The following TSHZ1 variants were observed in gnomAD, a reference collection of about 807,000 sequenced individuals.
TSHZ1 encodes the protein teashirt homolog 1.
Under a neutral mutation model 67.1 loss-of-function variants are expected in TSHZ1, and 12 were observed. That is an observed-to-expected ratio of 0.18 (90% CI 0.11 to 0.29). The LOEUF (loss-of-function observed/expected upper bound fraction) is 0.29. Ranked by LOEUF, TSHZ1 falls within the 10% of genes least tolerant of loss-of-function variation. The pLI is 1.00. For synonymous variants in TSHZ1, 632 were observed against 622.4 expected (o/e 1.02, Z -0.23); for missense variants, 1,305 against 1,413.9 (o/e 0.92, Z 1.23).
At chr18:75,238,696 A>G (rs2023114745) in intron 1 of TSHZ1, among the ~76,000 whole-genome samples, 1 of 151,544 alleles carries the variant, frequency 6.6e-6, no homozygotes, top group African/African-American at 2.4e-5. Flanking sequence ...AAAGTACAAA[A>G]TCATGAATGC....
Position 75,287,586 on chromosome 18 carries a change from T to A in TSHZ1, c.2179T>A (p.Cys727Ser). 6.2e-7 allele frequency: 1 copy of A among 1,614,184 alleles called. No homozygotes were observed. Among genetic ancestry groups the A allele is most frequent in the South Asian group, 1.1e-5 (1 of 91,084 alleles). The stretch of plus-strand genomic sequence containing the variant: ...TCTCAAAGCAAAGGTCACCAACGGC[T>A]GTAACAACCTGGGGATCATCATGGA... ...EPLKAKVTNG[C>S]NNLGIIMDHS... Residue 727 changes from cysteine (C) to serine (S), a missense_variant, in exon 2 of 2, where the codon TGT becomes AGT. Physicochemically the swap from Cys to Ser is moderately radical, Grantham distance 112. Transcript: ENST00000580243. The surrounding 1 kb of genome is among the most constrained non-coding windows in gnomAD (Gnocchi z 5.0).
intron 1 of TSHZ1, among the ~76,000 whole-genome samples, chr18:75,257,011 G>T (rs1409323376): frequency 1.3e-5 from 2 of 152,130 alleles, no homozygotes; most frequent in Admixed American, 6.5e-5. Flanking sequence ...TGTATTGCCT[G>T]TTTATCAAAA....
chr18:75,274,313 TACTC>T (rs2023590697), intron 1 of TSHZ1, among the ~76,000 whole-genome samples: 1 of 152,146 alleles, frequency 6.6e-6, no homozygotes, highest in South Asian at 2.1e-4. Flanking sequence ...TTTTCAAGCT[TACTC>T]ATTCATCAGA....
chr18:75,267,373 G>A lies in TSHZ1; in HGVS notation c.41-18075G>A, dbSNP rs1599049168. On this transcript the variant is annotated intron_variant, in intron 1 of 1. Coordinates refer to ENST00000580243, the MANE Select transcript of TSHZ1 (RefSeq NM_001308210.2). ...GAGTCAGGCAGCCACACTGTGTGTGGGCTTAGTGGTAAGGGTTTCTTCAGA... is the reference window on the plus strand; with the variant it reads ...GAGTCAGGCAGCCACACTGTGTGTGAGCTTAGTGGTAAGGGTTTCTTCAGA... Among the ~76,000 whole-genome samples, 3 of 152,334 alleles carry A rather than the reference G, an allele frequency of 2.0e-5. 1 individual carries two copies. Among genetic ancestry groups the A allele is most frequent in the Admixed American group, 2.0e-4 (3 of 15,300 alleles).
intron 1 of TSHZ1, among the ~76,000 whole-genome samples, chr18:75,257,256 A>G (rs2023372532): frequency 6.6e-6 from 1 of 152,210 alleles, no homozygotes; most frequent in Admixed American, 6.5e-5. Context: ...GCGGTAATTC[A>G]TTTGAAACAT....
At position 75,286,488 on chromosome 18, in the gene TSHZ1, C is replaced by T. The variant is rs372094271; in HGVS notation, c.1081C>T (p.Pro361Ser). Residue 361 changes from proline (P) to serine (S), a missense_variant, in exon 2 of 2, where the codon CCC becomes TCC. Physicochemically the swap from Pro to Ser is moderately conservative, Grantham distance 74 (BLOSUM62 -1). Around this residue, in one of 3 missense-constraint regions of TSHZ1, gnomAD observed 909 missense variants for 961.8 expected, o/e 0.95. Coordinates refer to ENST00000580243, the MANE Select transcript of TSHZ1 (RefSeq NM_001308210.2). This position sits in a 1 kb window ranked among gnomAD's most constrained non-coding sequence, Gnocchi z 5.1. ...AAAGCGGGCGCTTCAGGACCTGGCG[C>T]CCCCCTGCTCCCCTGAGCCAGCAGG... is the stretch of plus-strand genomic sequence containing the variant. ...TKKRALQDLAPPCSPEPAGMA... is the reference protein window; with the variant it reads ...TKKRALQDLASPCSPEPAGMA... 60 of 1,614,028 alleles carry T rather than the reference C, an allele frequency of 3.7e-5. No individual in the cohort carries two copies. The highest frequency in any genetic ancestry group is 4.9e-5 in the Non-Finnish European group (58 of 1,180,046).
chr18:75,228,962 C>A (rs927746604), intron 1 of TSHZ1, among the ~76,000 whole-genome samples: 5 of 152,256 alleles, frequency 3.3e-5, no homozygotes, highest in Admixed American at 6.5e-5. Context: ...TAGGTCATGG[C>A]CCTTTGGCCC....
chr18:75,221,735 C>CTGTT (rs1568352220), intron 1 of TSHZ1, among the ~76,000 whole-genome samples: 2 of 152,198 alleles, frequency 1.3e-5, no homozygotes, highest in African/African-American at 2.4e-5. Context: ...TTCTTAGCTA[C>CTGTT]ATGAAAATAA....
At chr18:75,266,552 AAC>A (rs2023492791) in intron 1 of TSHZ1, among the ~76,000 whole-genome samples, 1 of 152,370 alleles carries the variant, frequency 6.6e-6, no homozygotes, top group East Asian at 1.9e-4. Flanking sequence ...CAGGAAGCAC[AAC>A]AGAGGATAGG....
At chr18:75,247,507 C>G (rs1301967752) in intron 1 of TSHZ1, among the ~76,000 whole-genome samples, 1 of 152,236 alleles carries the variant, frequency 6.6e-6, no homozygotes, top group Non-Finnish European at 1.5e-5. Context: ...TGCCTTGCCC[C>G]TTAAGTTATC....
intron 1 of TSHZ1, among the ~76,000 whole-genome samples, chr18:75,235,815 C>T (rs574705449): frequency 4.9e-4 from 75 of 152,314 alleles, no homozygotes; most frequent in African/African-American, 1.7e-3. Flanking sequence ...CATGCCTCCC[C>T]GTGGTTTGGC....
intron 1 of TSHZ1, 68 bp from the exon 2 acceptor site, chr18:75,285,380 C>T: frequency 7.1e-7 from 1 of 1,410,968 alleles, no homozygotes; most frequent in Non-Finnish European, 9.2e-7. Context: ...GATCATCTAA[C>T]TGCTGGGGAG....
chr18:75,264,188 G>A (rs1599047476), intron 1 of TSHZ1, among the ~76,000 whole-genome samples: 1 of 152,126 alleles, frequency 6.6e-6, no homozygotes, highest in African/African-American at 2.4e-5. Context: ...ATATTTAGCT[G>A]GCTGTCCTCT....
At chr18:75,252,562 AATTG>A (rs1212487494) in intron 1 of TSHZ1, among the ~76,000 whole-genome samples, 1 of 152,116 alleles carries the variant, frequency 6.6e-6, no homozygotes, top group Non-Finnish European at 1.5e-5. Flanking sequence ...TATTTTTATG[AATTG>A]ATTGTTTTAT....
Position 75,288,795 on chromosome 18 carries a change from T to G in TSHZ1, c.*154T>G. On this transcript the variant is annotated 3_prime_UTR_variant, in exon 2 of 2. Transcript: ENST00000580243. The surrounding 1 kb of genome is among the most constrained non-coding windows in gnomAD (Gnocchi z 4.9). ...ACACATATTTTGTATATTTATATGC[T>G]CTCTGTCCGATCTGTGCATGTTATT... 7.9e-7 allele frequency: 1 copy of G among 1,259,358 alleles called. No homozygotes were observed. Among genetic ancestry groups the G allele is most frequent in the East Asian group, 2.6e-5 (1 of 38,116 alleles). 78.0% of individuals were successfully genotyped at this position (1,259,358 alleles called of 1,614,324 possible).
Position 75,288,539 on chromosome 18 carries a change from G to A in TSHZ1, c.3132G>A (p.Arg1044=). ...GSTFQCKLCN[R]TFASKHAVKL... ...CATTCCAATGTAAGCTCTGCAACCG[G>A]ACTTTTGCGAGCAAGCACGCAGTCA... The change falls in exon 2 of 2, where the codon CGG becomes CGA. Residue 1044 remains arginine (R), a synonymous_variant. Coordinates refer to ENST00000580243, the MANE Select transcript of TSHZ1 (RefSeq NM_001308210.2). This position sits in a 1 kb window ranked among gnomAD's most constrained non-coding sequence, Gnocchi z 4.9. 1 of 1,614,232 alleles carries A rather than the reference G, an allele frequency of 6.2e-7. No individual in the cohort carries two copies. Among genetic ancestry groups the A allele is most frequent in the East Asian group, 2.2e-5 (1 of 44,886 alleles).
In TSHZ1 at chr18:75,287,098, G is replaced by A; in HGVS notation, c.1691G>A (p.Ser564Asn). 1 of 1,614,120 alleles carries A rather than the reference G, an allele frequency of 6.2e-7. No homozygotes were observed. The change falls in exon 2 of 2, where the codon AGC (serine) becomes AAC (asparagine). Residue 564 changes from serine to asparagine, a missense_variant. Transcript: ENST00000580243. The surrounding 1 kb of genome is among the most constrained non-coding windows in gnomAD (Gnocchi z 5.0). ...SLENTVSTAISKAQNGAPSWG... is the reference protein window; with the variant it reads ...SLENTVSTAINKAQNGAPSWG... ...GAGAATACCGTCTCCACGGCCATTA[G>A]CAAAGCTCAGAATGGTGCGCCCTCA...
At chr18:75,269,072 A>G (rs2023526362) in intron 1 of TSHZ1, among the ~76,000 whole-genome samples, 1 of 152,174 alleles carries the variant, frequency 6.6e-6, no homozygotes, top group Non-Finnish European at 1.5e-5. Context: ...TACGATTTTT[A>G]AAAAAGTCTC....
At chr18:75,262,081 C>T (rs2023437479) in intron 1 of TSHZ1, among the ~76,000 whole-genome samples, 1 of 152,112 alleles carries the variant, frequency 6.6e-6, no homozygotes, top group Admixed American at 6.5e-5. Flanking sequence ...CTCTCAGAGC[C>T]AGTTGAGAGA....
Sources: gnomAD v4.1 joint callset for allele counts (sites outside exome capture counted in the v4.1 genomes callset) on GRCh38, gnomAD v4.1.1 for gene constraint, gnomAD v4.1.1 regional missense constraint, Gnocchi (gnomAD v3.1) non-coding constraint, MANE v1.5 for transcripts, NCBI Gene and HGNC (gene_info 2026-07-23, HGNC 2026-07-21) for gene names.